The following DAPK3 variants were observed in gnomAD, a reference collection of about 807,000 sequenced individuals.
The protein encoded by DAPK3 is death associated protein kinase 3.
DAPK3 carries 24 observed loss-of-function variants against 30.6 expected under a neutral mutation model. The observed-to-expected ratio is 0.78, with a 90% confidence interval of 0.57 to 1.10. The LOEUF (loss-of-function observed/expected upper bound fraction) is 1.10, where lower values mean the gene tolerates loss of function less well. Among genes scored for constraint, DAPK3 ranks in the 50% least tolerant of loss-of-function variants. The probability of loss-of-function intolerance (pLI) is 0.00; values close to 1 mark genes in which losing one functional copy is unlikely to be tolerated. For missense variants in DAPK3, 629 were observed against 657.3 expected, an observed-to-expected ratio of 0.96 and a Z score of 0.47; for synonymous variants, 341 against 284.0, an observed-to-expected ratio of 1.20 and a Z score of -2.02.
At chr19:3,968,009 G>A (rs1599183221) in intron 2 of DAPK3, among the ~76,000 whole-genome samples, 1 of 152,198 alleles carries the variant, frequency 6.6e-6, no homozygotes, top group Non-Finnish European at 1.5e-5. Flanking sequence ...CTGTTTGTTT[G>A]AGAGATGGGG....
In DAPK3 at chr19:3,959,116, C is replaced by A. The variant is rs1205598377; in HGVS notation, c.1350G>T (p.Glu450Asp). Reference sequence around the variant, plus strand: ...CCCACTGCGCCTAGCGCAGCCCGCACTCCACGCCCTGCAGCTTCTCCTGCT... The same window carrying A: ...CCCACTGCGCCTAGCGCAGCCCGCAATCCACGCCCTGCAGCTTCTCCTGCT... ...ALEQEKLQGV[E>D]CGLR The change falls in exon 9 of 9, where the codon GAG becomes GAT. Residue 450 changes from glutamate to aspartate, a missense_variant. By Grantham distance (45) the Glu-to-Asp change is conservative. Coordinates refer to ENST00000545797, the MANE Select transcript of DAPK3 (RefSeq NM_001348.3). 1 of 1,560,814 alleles carries A rather than the reference C, an allele frequency of 6.4e-7. No individual in the cohort carries two copies. The highest frequency in any genetic ancestry group is 1.2e-5 in the South Asian group (1 of 86,424).
At position 3,969,766 on chromosome 19, in the gene DAPK3, C is replaced by T; in HGVS notation, c.-31G>A. 6.3e-7 allele frequency: 1 copy of T among 1,581,894 alleles called. No homozygotes were observed. The highest frequency in any genetic ancestry group is 8.7e-7 in the Non-Finnish European group (1 of 1,153,550). On this transcript the variant is annotated 5_prime_UTR_variant, in exon 2 of 9. The change creates a new upstream start codon in the 5' untranslated region. Coordinates refer to ENST00000545797, the MANE Select transcript of DAPK3 (RefSeq NM_001348.3). ...CCGGTCCGCCTTCCAGCAGCTTCCA[C>T]TCCAGGGAAAGTGCAGTCACCGCAG...
At chr19:3,968,707 A>G (rs1281977441) in intron 2 of DAPK3, among the ~76,000 whole-genome samples, 1 of 152,182 alleles carries the variant, frequency 6.6e-6, no homozygotes, top group African/African-American at 2.4e-5. Flanking sequence ...CTCTGCCACT[A>G]ACGAGGAAAT....
intron 1 of DAPK3, 96 bp from the exon 2 acceptor site, chr19:3,969,925 C>CA: frequency 1.7e-6 from 1 of 583,894 alleles, no homozygotes; most frequent in Non-Finnish European, 3.0e-6. Context: ...ACAAGCCTCC[C>CA]ACCTCTCCAC....
In DAPK3 at chr19:3,966,912, A is replaced by G. The variant is rs147865535; in HGVS notation, c.63-1921T>C. ...TGGCAGGCTCTCAGTTCCTCTACGGAATGTGAAACGTGCCTCATCTCCCCA... is the reference window on the plus strand; with the variant it reads ...TGGCAGGCTCTCAGTTCCTCTACGGGATGTGAAACGTGCCTCATCTCCCCA... On this transcript the variant is annotated intron_variant, in intron 2 of 8. Coordinates refer to ENST00000545797, the MANE Select transcript of DAPK3 (RefSeq NM_001348.3). Among the ~76,000 whole-genome samples, 1,169 of 152,230 alleles carry G rather than the reference A, an allele frequency of 7.7e-3. 19 individuals carry two copies. Among genetic ancestry groups the G allele is most frequent in the African/African-American group, 0.027 (1,117 of 41,538 alleles).
chr19:3,966,157 G>T, intron 2 of DAPK3, among the ~76,000 whole-genome samples: 1 of 152,186 alleles, frequency 6.6e-6, no homozygotes, highest in African/African-American at 2.4e-5. Flanking sequence ...TCAGTCAGTG[G>T]CGGGAGGATT....
At chr19:3,960,892 T>C (rs182924833) in intron 7 of DAPK3, 117 bp downstream of exon 7, 3 of 1,067,438 alleles carry the variant, frequency 2.8e-6, no homozygotes, top group East Asian at 2.7e-5. Flanking sequence ...GGGTAAGCAA[T>C]GTCTGATCCC....
chr19:3,960,324 G>A (rs1019161342), intron 7 of DAPK3, among the ~76,000 whole-genome samples: 7 of 152,278 alleles, frequency 4.6e-5, no homozygotes, highest in African/African-American at 1.4e-4. Flanking sequence ...CCAGGCGCCC[G>A]AGAGAGGGAC....
At chr19:3,970,067 A>C (rs1599184643) in intron 1 of DAPK3, 5 of 335,230 alleles carry the variant, frequency 1.5e-5, no homozygotes, top group Non-Finnish European at 2.7e-5. Context: ...ACCCCGCAAA[A>C]CTCTCTCCAG....
intron 7 of DAPK3, among the ~76,000 whole-genome samples, chr19:3,960,445 T>G (rs1030710361): frequency 2.0e-5 from 3 of 151,942 alleles, no homozygotes; most frequent in African/African-American, 7.2e-5. Flanking sequence ...GATCCTTACT[T>G]TACACACCGG....
Position 3,959,265 on chromosome 19 carries a change from C to T in DAPK3, c.1201G>A (p.Gly401Ser). ...LKRQAQEEAK[G>S]ALLGTSGLKR... Reference sequence around the variant, plus strand: ...AGGCCGCTGGTCCCCAGCAGCGCGCCCTTGGCCTCCTCCTGCGCCTGCCGC... The same window carrying T: ...AGGCCGCTGGTCCCCAGCAGCGCGCTCTTGGCCTCCTCCTGCGCCTGCCGC... The change falls in exon 9 of 9, where the codon GGC becomes AGC. Residue 401 changes from glycine to serine, a missense_variant. Transcript: ENST00000545797. 1 of 1,599,144 alleles carries T rather than the reference C, an allele frequency of 6.3e-7. No individual in the cohort carries two copies. The highest frequency in any genetic ancestry group is 8.5e-7 in the Non-Finnish European group (1 of 1,178,630).
At chr19:3,963,071 C>T (rs934100460) in intron 6 of DAPK3, among the ~76,000 whole-genome samples, 2 of 150,732 alleles carry the variant, frequency 1.3e-5, no homozygotes, top group African/African-American at 4.9e-5. Flanking sequence ...CACCACTGCA[C>T]TCCAACCTGG....
chr19:3,965,995 G>A (rs1599181694), intron 2 of DAPK3, among the ~76,000 whole-genome samples: 1 of 152,024 alleles, frequency 6.6e-6, no homozygotes, highest in Non-Finnish European at 1.5e-5. Context: ...GTATTGCCCA[G>A]GCTGCTTTGG....
intron 6 of DAPK3, among the ~76,000 whole-genome samples, chr19:3,963,103 CA>C (rs35742812): frequency 0.53 from 76,548 of 143,662 alleles, 20,861 homozygotes; most frequent in East Asian, 0.75. Flanking sequence ...AAAACTCCAT[CA>C]AAAAAAAAAA....
chr19:3,966,567 G>A (rs1410886228), intron 2 of DAPK3, among the ~76,000 whole-genome samples: 2 of 152,208 alleles, frequency 1.3e-5, no homozygotes, highest in African/African-American at 2.4e-5. Flanking sequence ...ACCAGGCCAG[G>A]AGAGGGGAGC....
chr19:3,959,838 C>T (rs1203974889), intron 8 of DAPK3: 1 of 670,586 alleles, frequency 1.5e-6, no homozygotes, highest in Non-Finnish European at 2.5e-6. Context: ...GAGTCAGCCC[C>T]GTTGGACACA....
At chr19:3,969,586 A>G in intron 2 of DAPK3, 88 bp downstream of exon 2, 2 of 863,266 alleles carry the variant, frequency 2.3e-6, no homozygotes, top group South Asian at 1.4e-5. Flanking sequence ...TACAGGATAA[A>G]GAACAGGAAA....
intron 3 of DAPK3, 27 bp from the exon 4 acceptor site, chr19:3,964,400 A>T (rs1412234415): frequency 6.2e-7 from 1 of 1,600,324 alleles, no homozygotes; most frequent in East Asian, 2.3e-5. Flanking sequence ...CTCAGCAGGG[A>T]AAGCACGGGC....
rs2039468319 is a variant in DAPK3 at position 3,958,795 on chromosome 19, G to GCCTCGGTGGGTCCCAAC, written c.*289_*305dup. On this transcript the variant is annotated 3_prime_UTR_variant, in exon 9 of 9. Transcript: ENST00000545797. ...AGGGCTGCATTCGGGCCGCCTCTGCGCCTCGGTGGGTCCCAACCCTCACGG... is the reference window on the plus strand; with the variant it reads ...AGGGCTGCATTCGGGCCGCCTCTGCGCCTCGGTGGGTCCCAACCCTCGGTGGGTCCCAACCCTCACGG... 1.8e-6 allele frequency: 1 copy of GCCTCGGTGGGTCCCAAC among 558,880 alleles called. No homozygotes were observed. The highest frequency in any genetic ancestry group is 3.2e-6 in the Non-Finnish European group (1 of 310,468). The allele number at this position is 558,880 out of a possible 1,614,324, so 34.6% of individuals were successfully genotyped here.
Sources: allele counts gnomAD v4.1 joint callset (sites outside exome capture counted in the v4.1 genomes callset), GRCh38; gene constraint gnomAD v4.1.1; transcripts MANE v1.5; gene names NCBI Gene and HGNC (gene_info 2026-07-23, HGNC 2026-07-21).